The following PTPRE variants were observed in gnomAD, a reference collection of about 807,000 sequenced individuals.
PTPRE encodes the protein receptor-type tyrosine-protein phosphatase epsilon.
Under a neutral mutation model 102.0 loss-of-function variants are expected in PTPRE, and 51 were observed. That is an observed-to-expected ratio of 0.50 (90% CI 0.40 to 0.63). PTPRE has a LOEUF of 0.63. Ranked by LOEUF, PTPRE falls within the 30% of genes least tolerant of loss-of-function variation. PTPRE has a pLI of 0.00. For missense variants in PTPRE, 752 were observed against 915.1 expected (o/e 0.82, Z 2.30); for synonymous variants, 345 against 348.2 (o/e 0.99, Z 0.10).
intron 1 of PTPRE, among the ~76,000 whole-genome samples, chr10:127,917,105 T>C (rs908669704): frequency 2.6e-5 from 4 of 151,522 alleles, no homozygotes; most frequent in East Asian, 1.9e-4. Context: ...AACATGACCA[T>C]GTGGGTGAGA....
At chr10:127,942,793 GTGA>G (rs546567337) in intron 1 of PTPRE, among the ~76,000 whole-genome samples, 81 of 152,346 alleles carry the variant, frequency 5.3e-4, no homozygotes, top group African/African-American at 1.9e-3. Flanking sequence ...GGGCGAGGTA[GTGA>G]TGATGGTTGC....
intron 1 of PTPRE, among the ~76,000 whole-genome samples, chr10:127,921,125 G>A (rs1385989351): frequency 2.6e-5 from 4 of 152,198 alleles, no homozygotes; most frequent in African/African-American, 7.2e-5. Flanking sequence ...GGGGGTCCAG[G>A]GCAATAAATG....
At position 128,060,821 on chromosome 10, in the gene PTPRE, T is replaced by G. The variant is rs1214146279; in HGVS notation, c.512-118T>G. ...ATCCCTGGTGTCGCTGTGAAGCTGC[T>G]TTTGCCCTTCCCAGGAGCTGACACT... is the stretch of plus-strand genomic sequence containing the variant. On this transcript the variant is annotated intron_variant, in intron 7 of 20. Transcript: ENST00000254667. 6 of 936,372 alleles carry G rather than the reference T, an allele frequency of 6.4e-6. No individual in the cohort carries two copies. In the African/African-American group the frequency reaches 8.2e-5, roughly 13 times the overall value. 58.0% of individuals were successfully genotyped at this position (936,372 alleles called of 1,614,324 possible). A position where few individuals can be genotyped will look rare whatever the true frequency, so the allele number is the denominator to read the frequency against.
intron 1 of PTPRE, among the ~76,000 whole-genome samples, chr10:127,975,906 T>C (rs536326310): frequency 6.6e-6 from 1 of 152,204 alleles, no homozygotes; most frequent in Admixed American, 6.5e-5. Flanking sequence ...CTACCCTATA[T>C]CTCTGAGCCT....
chr10:127,983,511 T>A (rs1167097202), intron 2 of PTPRE, among the ~76,000 whole-genome samples: 1 of 152,190 alleles, frequency 6.6e-6, no homozygotes, highest in Non-Finnish European at 1.5e-5. Flanking sequence ...AGCCTCAGAA[T>A]CCTATACAAG....
intron 2 of PTPRE, among the ~76,000 whole-genome samples, chr10:128,024,399 A>C (rs1425999224): frequency 1.3e-5 from 2 of 152,214 alleles, no homozygotes; most frequent in Admixed American, 6.5e-5. Context: ...AGGGTCTGAG[A>C]AAGCGTGCTT....
chr10:127,958,001 G>A (rs929629412), intron 1 of PTPRE, among the ~76,000 whole-genome samples: 4 of 152,084 alleles, frequency 2.6e-5, no homozygotes, highest in Admixed American at 2.0e-4. Context: ...TTCACTTCTG[G>A]CATACAGAAA....
At chr10:127,966,248 C>A (rs1589852705) in intron 1 of PTPRE, among the ~76,000 whole-genome samples, 1 of 152,142 alleles carries the variant, frequency 6.6e-6, no homozygotes, top group Non-Finnish European at 1.5e-5. Flanking sequence ...GTCCATCCCC[C>A]TCAGCAGGTG....
At chr10:128,067,514 G>A (rs1290209339) in intron 11 of PTPRE, among the ~76,000 whole-genome samples, 1 of 147,814 alleles carries the variant, frequency 6.8e-6, no homozygotes, top group Non-Finnish European at 1.5e-5. Flanking sequence ...ACACATACAT[G>A]CGCACACATG....
chr10:127,985,233 T>C (rs1022222791), intron 2 of PTPRE, among the ~76,000 whole-genome samples: 1 of 152,214 alleles, frequency 6.6e-6, no homozygotes, highest in Admixed American at 6.5e-5. Flanking sequence ...TATCCATCAC[T>C]TCCTAGGATG....
At chr10:127,959,004 C>G (rs1174873002) in intron 1 of PTPRE, among the ~76,000 whole-genome samples, 26 of 149,732 alleles carry the variant, frequency 1.7e-4, no homozygotes, top group Non-Finnish European at 5.9e-5. Context: ...TCAAGCGATT[C>G]TCCCATCTCG....
intron 2 of PTPRE, among the ~76,000 whole-genome samples, chr10:128,033,998 G>A (rs1455698260): frequency 2.6e-5 from 4 of 152,174 alleles, no homozygotes; most frequent in African/African-American, 9.7e-5. Context: ...TAAAATAGAA[G>A]CTGTTGATGT....
intron 1 of PTPRE, among the ~76,000 whole-genome samples, chr10:127,931,872 C>T (rs1454980255): frequency 2.0e-5 from 3 of 152,098 alleles, no homozygotes; most frequent in Admixed American, 6.6e-5. Flanking sequence ...TTTTTTTCAT[C>T]AAAGCTTCCC....
chr10:128,003,077 G>GC lies in PTPRE; in HGVS notation c.-8+20782dup, dbSNP rs555520006. On this transcript the variant is annotated intron_variant, in intron 2 of 20. Coordinates refer to ENST00000254667, the MANE Select transcript of PTPRE (RefSeq NM_006504.6). ...GATAGACCATTTACAGTCCTGAAGA[G>GC]CAGAGTGGGCTGTGGCTCAGACACT... 9.8e-5 allele frequency among the ~76,000 whole-genome samples: 15 copies of GC among 152,308 alleles called. No individual in the cohort carries two copies. In the South Asian group the frequency reaches 3.1e-3, roughly 32 times the overall value.
chr10:127,986,801 G>C (rs570326040), intron 2 of PTPRE, among the ~76,000 whole-genome samples: 1 of 152,234 alleles, frequency 6.6e-6, no homozygotes, highest in Middle Eastern at 3.2e-3. Context: ...CTGGGGTGAC[G>C]TTTCCAGCAG....
chr10:127,960,666 G>T (rs1383992057), intron 1 of PTPRE, among the ~76,000 whole-genome samples: 1 of 152,180 alleles, frequency 6.6e-6, no homozygotes, highest in Non-Finnish European at 1.5e-5. Flanking sequence ...ACTTGCCATA[G>T]CCCAGATCTT....
intron 2 of PTPRE, among the ~76,000 whole-genome samples, chr10:128,032,231 G>T (rs919648859): frequency 6.6e-6 from 1 of 152,124 alleles, no homozygotes; most frequent in Non-Finnish European, 1.5e-5. Context: ...GGCCACAGTG[G>T]TCTTGAACTC....
intron 2 of PTPRE, among the ~76,000 whole-genome samples, chr10:128,038,671 G>A (rs1030369517): frequency 7.7e-6 from 1 of 129,192 alleles, no homozygotes; most frequent in Non-Finnish European, 1.6e-5. Context: ...GTGGGGGGAG[G>A]GGGGAGGGAT....
intron 2 of PTPRE, among the ~76,000 whole-genome samples, chr10:128,018,983 C>T (rs538691611): frequency 1.3e-5 from 2 of 152,364 alleles, no homozygotes; most frequent in South Asian, 4.1e-4. Flanking sequence ...AGGGAAACAC[C>T]ACATTGAAAT....
Sources: allele counts gnomAD v4.1 joint callset (sites outside exome capture counted in the v4.1 genomes callset), GRCh38; gene constraint gnomAD v4.1.1; transcripts MANE v1.5; gene names NCBI Gene and HGNC (gene_info 2026-07-23, HGNC 2026-07-21).